The following ACTG2 variants were observed in gnomAD, a reference collection of about 807,000 sequenced individuals.
ACTG2 encodes actin gamma 2, smooth muscle.
Under a neutral mutation model 37.6 loss-of-function variants are expected in ACTG2, and 16 were observed. The ratio of observed to expected loss-of-function variants is 0.43; its 90% CI spans 0.29 to 0.65. The LOEUF (loss-of-function observed/expected upper bound fraction) is 0.65. Among genes scored for constraint, ACTG2 ranks in the 30% least tolerant of loss-of-function variants. The probability of loss-of-function intolerance (pLI) is 0.18; values close to 1 mark genes in which losing one functional copy is unlikely to be tolerated. For synonymous variants in ACTG2, 181 were observed against 179.9 expected, an observed-to-expected ratio of 1.01 and a Z score of -0.05; for missense variants, 238 against 490.9, an observed-to-expected ratio of 0.48 and a Z score of 4.87.
At chr2:73,895,871 TG>T (rs1225162503) in intron 1 of ACTG2, among the ~76,000 whole-genome samples, 2 of 152,376 alleles carry the variant, frequency 1.3e-5, no homozygotes, top group East Asian at 3.8e-4. Flanking sequence ...TGAAGTTCTC[TG>T]TCACAAGTAC....
intron 8 of ACTG2, 90 bp from the exon 9 acceptor site, chr2:73,919,342 G>A: frequency 6.9e-7 from 1 of 1,446,892 alleles, no homozygotes; most frequent in Non-Finnish European, 9.4e-7. Flanking sequence ...TGACCATGGG[G>A]CTCCCCTTTT....
chr2:73,908,769 G>A lies in ACTG2; in HGVS notation c.352G>A (p.Glu118Lys), dbSNP rs1680068352. 6.2e-7 allele frequency: 1 copy of A among 1,613,066 alleles called. No homozygotes were observed. Residue 118 changes from glutamate (E) to lysine (K), a missense_variant, in exon 4 of 9, where the codon GAA becomes AAA. Physicochemically the swap from Glu to Lys is moderately conservative, Grantham distance 56. Transcript: ENST00000345517. The stretch of plus-strand genomic sequence containing the variant: ...TCCCCTAAATCCCAAGGCCAACAGG[G>A]AAAAGATGACCCAGGTAAGAAGCCA... ...EAPLNPKANR[E>K]KMTQIMFETF...
intron 3 of ACTG2, 163 bp downstream of exon 3, chr2:73,902,651 T>C (rs1180705705): frequency 6.4e-7 from 1 of 1,552,212 alleles, no homozygotes; most frequent in African/African-American, 1.4e-5. Flanking sequence ...CAACCTAGGC[T>C]GCCAACATCT....
intron 5 of ACTG2, among the ~76,000 whole-genome samples, chr2:73,909,385 T>G (rs775602904): frequency 6.6e-6 from 1 of 152,210 alleles, no homozygotes; most frequent in African/African-American, 2.4e-5. Flanking sequence ...CTTCTACACA[T>G]ACACACATTC....
intron 1 of ACTG2, among the ~76,000 whole-genome samples, chr2:73,898,609 C>G (rs1679804228): frequency 1.3e-5 from 2 of 151,008 alleles, no homozygotes; most frequent in African/African-American, 4.9e-5. Context: ...TTAACACTCA[C>G]AAGCAGTGAA....
At chr2:73,904,777 G>GTGTATGTATATATATATATA (rs1427483105) in intron 3 of ACTG2, among the ~76,000 whole-genome samples, 3 of 42,608 alleles carry the variant, frequency 7.0e-5, no homozygotes, top group African/African-American at 2.3e-4. Context: ...GTGTGTGTGT[G>GTGTATGTATATATATATATA]TATATATATA....
At chr2:73,900,218 C>G (rs1287929583) in intron 1 of ACTG2, among the ~76,000 whole-genome samples, 4 of 152,224 alleles carry the variant, frequency 2.6e-5, no homozygotes, top group Non-Finnish European at 4.4e-5. Context: ...AGTCTGCCTG[C>G]CCAGCCCCTC....
intron 3 of ACTG2, among the ~76,000 whole-genome samples, chr2:73,904,773 GTGTGTATATATATATATATATATA>G (rs1186887656): frequency 2.2e-3 from 45 of 20,096 alleles, no homozygotes; most frequent in African/African-American, 5.2e-3. Context: ...GTGTGTGTGT[GTGTGTATATATATATATATATATA>G]TATATATATA....
chr2:73,906,639 A>G (rs1680022579), intron 3 of ACTG2, among the ~76,000 whole-genome samples: 1 of 151,818 alleles, frequency 6.6e-6, no homozygotes, highest in South Asian at 2.1e-4. Flanking sequence ...CACCACATCC[A>G]GTTGATTTTT....
At chr2:73,895,053 T>C (rs60188129) in intron 1 of ACTG2, among the ~76,000 whole-genome samples, 2,319 of 151,818 alleles carry the variant, frequency 0.015, 59 homozygotes, top group African/African-American at 0.051. Flanking sequence ...GAAGGGCTGG[T>C]GATAGGTTGG....
At chr2:73,898,690 A>G (rs2950280) in intron 1 of ACTG2, among the ~76,000 whole-genome samples, 120,596 of 152,060 alleles carry the variant, frequency 0.79, 48,020 homozygotes, top group Admixed American at 0.84. Flanking sequence ...CCCCAGCTAA[A>G]GGCAAAGGTA....
At chr2:73,907,138 T>C (rs1372724160) in intron 3 of ACTG2, among the ~76,000 whole-genome samples, 4 of 152,242 alleles carry the variant, frequency 2.6e-5, no homozygotes, top group African/African-American at 4.8e-5. Context: ...GAATTACTCC[T>C]ACCTCTTCTT....
intron 7 of ACTG2, among the ~76,000 whole-genome samples, chr2:73,915,330 G>T (rs10166948): frequency 0.13 from 19,446 of 144,314 alleles, 2,272 homozygotes; most frequent in African/African-American, 0.31. Context: ...GACCAGACTG[G>T]GCAACATAGC....
At chr2:73,908,351 G>T (rs1279326438) in intron 3 of ACTG2, 1 of 493,718 alleles carries the variant, frequency 2.0e-6, no homozygotes, top group Non-Finnish European at 4.1e-6. Flanking sequence ...ATGAACACTT[G>T]AGTGATACAA....
intron 3 of ACTG2, among the ~76,000 whole-genome samples, chr2:73,905,411 G>A (rs1679996367): frequency 6.6e-6 from 1 of 151,774 alleles, no homozygotes; most frequent in Non-Finnish European, 1.5e-5. Flanking sequence ...AAAACAAAAG[G>A]GCAATGAGGG....
chr2:73,918,088 G>A (rs1048458074), intron 8 of ACTG2, among the ~76,000 whole-genome samples: 2 of 152,252 alleles, frequency 1.3e-5, no homozygotes, highest in African/African-American at 4.8e-5. Flanking sequence ...ATCAATACCA[G>A]GACAATCTAA....
chr2:73,919,329 T>C, intron 8 of ACTG2, 103 bp from the exon 9 acceptor site: 2 of 1,359,256 alleles, frequency 1.5e-6, no homozygotes, highest in Admixed American at 4.2e-5. Context: ...TCCTGTTCTT[T>C]TCTGACCATG....
At chr2:73,895,953 A>C (rs1679738519) in intron 1 of ACTG2, among the ~76,000 whole-genome samples, 1 of 152,202 alleles carries the variant, frequency 6.6e-6, no homozygotes. Flanking sequence ...GTGTTTCAGT[A>C]AGACTTTATT....
chr2:73,902,741 C>T (rs1461651241), intron 3 of ACTG2: 18 of 1,550,820 alleles, frequency 1.2e-5, no homozygotes, highest in Admixed American at 5.9e-5. Context: ...CTCTACACTG[C>T]TGCAAAACTG....
Sources: allele counts gnomAD v4.1 joint callset (sites outside exome capture counted in the v4.1 genomes callset), GRCh38; gene constraint gnomAD v4.1.1; transcripts MANE v1.5; gene names NCBI Gene and HGNC (gene_info 2026-07-23, HGNC 2026-07-21).